The following SYT14 variants were observed in gnomAD, a reference collection of about 807,000 sequenced individuals.
The protein encoded by SYT14 is synaptotagmin 14.
A neutral mutation model predicts 74.2 loss-of-function variants in SYT14; 32 were observed. The observed-to-expected ratio is 0.43, with a 90% CI of 0.33 to 0.58. SYT14 has a LOEUF of 0.58. Among genes scored for constraint, SYT14 ranks in the 20% least tolerant of loss-of-function variants. SYT14 has a pLI of 0.05. For synonymous variants in SYT14, 298 were observed against 337.7 expected (o/e 0.88, Z 1.29); for missense variants, 791 against 981.8 (o/e 0.81, Z 2.60).
At chr1:210,098,067 C>T (rs961309781) in intron 6 of SYT14, among the ~76,000 whole-genome samples, 13 of 151,786 alleles carry the variant, frequency 8.6e-5, no homozygotes, top group African/African-American at 3.1e-4. Context: ...TCCAGCTACT[C>T]AGGAGGCTGA....
chr1:209,997,280 A>C (rs2079815107), intron 2 of SYT14, among the ~76,000 whole-genome samples: 1 of 152,212 alleles, frequency 6.6e-6, no homozygotes, highest in Non-Finnish European at 1.5e-5. Flanking sequence ...AGGTTTCAGG[A>C]TATGAAATCA....
chr1:209,985,843 T>C (rs1038491624), intron 2 of SYT14, among the ~76,000 whole-genome samples: 3 of 152,204 alleles, frequency 2.0e-5, no homozygotes, highest in Non-Finnish European at 2.9e-5. Flanking sequence ...CAGCTTGCAC[T>C]CTCTGAAGCA....
At chr1:210,082,388 G>T (rs1452949821) in intron 5 of SYT14, among the ~76,000 whole-genome samples, 2 of 152,070 alleles carry the variant, frequency 1.3e-5, no homozygotes, top group Non-Finnish European at 2.9e-5. Context: ...ATCCACCGAG[G>T]TTTTCCTTTT....
chr1:209,976,502 A>T (rs1313343388), intron 2 of SYT14, among the ~76,000 whole-genome samples: 1 of 151,938 alleles, frequency 6.6e-6, no homozygotes, highest in Non-Finnish European at 1.5e-5. Context: ...GTTTCCATGT[A>T]GTTGAGCAGT....
chr1:209,959,631 T>C (rs1252489553), intron 2 of SYT14, among the ~76,000 whole-genome samples: 2 of 152,104 alleles, frequency 1.3e-5, no homozygotes, highest in African/African-American at 4.8e-5. Context: ...GACATAAAAA[T>C]TGTTTCACTC....
chr1:209,959,946 T>C (rs764514227), intron 2 of SYT14, among the ~76,000 whole-genome samples: 4 of 152,096 alleles, frequency 2.6e-5, no homozygotes, highest in Non-Finnish European at 5.9e-5. Context: ...AAGCGTCTGC[T>C]TACATAGTGA....
intron 7 of SYT14, among the ~76,000 whole-genome samples, chr1:210,129,192 C>T (rs959591457): frequency 2.6e-5 from 4 of 152,224 alleles, no homozygotes; most frequent in African/African-American, 9.6e-5. Context: ...AGTGAATGCA[C>T]ACCAACTCAA....
intron 5 of SYT14, among the ~76,000 whole-genome samples, chr1:210,061,601 C>CA (rs1384839702): frequency 6.6e-6 from 1 of 151,750 alleles, no homozygotes; most frequent in South Asian, 2.1e-4. Context: ...TAAGAAAACT[C>CA]AATTTAAGTT....
At chr1:210,072,197 A>C (rs534857641) in intron 5 of SYT14, among the ~76,000 whole-genome samples, 1 of 151,584 alleles carries the variant, frequency 6.6e-6, no homozygotes, top group South Asian at 2.1e-4. Context: ...TTAGAGATTC[A>C]TAATGTCTTG....
At chr1:209,994,013 A>G (rs2079741576) in intron 2 of SYT14, among the ~76,000 whole-genome samples, 1 of 152,196 alleles carries the variant, frequency 6.6e-6, no homozygotes, top group Non-Finnish European at 1.5e-5. Context: ...CTAACTGACT[A>G]TATACAGTTA....
chr1:210,013,203 TG>T (rs35067195), intron 2 of SYT14, among the ~76,000 whole-genome samples: 5,137 of 151,892 alleles, frequency 0.034, 607 homozygotes, highest in Admixed American at 0.23. Context: ...CCCAAGTAGC[TG>T]GGATTACAGG....
chr1:209,963,422 C>T (rs959594195), intron 2 of SYT14, among the ~76,000 whole-genome samples: 1 of 152,010 alleles, frequency 6.6e-6, no homozygotes, highest in East Asian at 1.9e-4. Flanking sequence ...GGGAAATTTT[C>T]TTGTTTTATC....
At chr1:210,014,418 T>TG (rs1478158848) in intron 3 of SYT14, among the ~76,000 whole-genome samples, 1 of 65,762 alleles carries the variant, frequency 1.5e-5, no homozygotes, top group East Asian at 2.7e-4. Context: ...CTTGGAGTGT[T>TG]TTTTTTTTTT....
rs909659538 is a variant in SYT14, at chr1:210,016,239, A to G, written c.236A>G (p.Glu79Gly). ...AAACAAAAAAATGCCGGGTTAACAGAAGTCTCCAAAAACACTAATTGTCAG... is the reference window on the plus strand; with the variant it reads ...AAACAAAAAAATGCCGGGTTAACAGGAGTCTCCAAAAACACTAATTGTCAG... The change falls in exon 4 of 10, where the codon GAA becomes GGA. Residue 79 changes from glutamate to glycine, a missense_variant. By Grantham distance (98) the Glu-to-Gly change is moderately conservative. Transcript: ENST00000637265. 4 of 1,232,164 alleles carry G rather than the reference A, an allele frequency of 3.2e-6. No individual in the cohort carries two copies. The East Asian group carries it at 9.5e-5, about 29-fold the overall frequency. The allele number at this position is 1,232,164 out of a possible 1,614,324, so 76.3% of individuals were successfully genotyped here. A position where few individuals can be genotyped will look rare whatever the true frequency, so the allele number is the denominator to read the frequency against.
At chr1:210,060,516 T>C (rs1439773545) in intron 5 of SYT14, among the ~76,000 whole-genome samples, 1 of 152,144 alleles carries the variant, frequency 6.6e-6, no homozygotes, top group Admixed American at 6.6e-5. Context: ...CTTTGAACTT[T>C]GGTGCTGTAT....
At position 210,143,670 on chromosome 1, in the gene SYT14, G is replaced by A. The variant is rs1030155121; in HGVS notation, c.2035-12051G>A. Among the ~76,000 whole-genome samples the A allele has an allele frequency of 5.3e-5, 8 of 152,090 alleles. 1 individual carries two copies. The highest frequency in any genetic ancestry group is 6.6e-5 in the Admixed American group (1 of 15,250). On this transcript the variant is annotated intron_variant, in intron 7 of 9. Transcript: ENST00000637265. ...GGAGAAACTGGGTCGGCAGGGGGCA[G>A]CACAGTCTTACAATGTATAAAATGT...
chr1:209,965,438 G>C (rs113481135), intron 2 of SYT14, among the ~76,000 whole-genome samples: 2 of 152,092 alleles, frequency 1.3e-5, no homozygotes, highest in Non-Finnish European at 2.9e-5. Context: ...TATGTACCAC[G>C]TTTTCTTTAT....
chr1:210,140,194 A>G (rs908865808), intron 7 of SYT14, among the ~76,000 whole-genome samples: 17 of 152,072 alleles, frequency 1.1e-4, no homozygotes, highest in Non-Finnish European at 2.2e-4. Flanking sequence ...TTTGATTTGT[A>G]TTTCCCTAAT....
At chr1:210,061,939 T>G (rs921454740) in intron 5 of SYT14, among the ~76,000 whole-genome samples, 1 of 151,882 alleles carries the variant, frequency 6.6e-6, no homozygotes, top group Non-Finnish European at 1.5e-5. Flanking sequence ...GTTGCCTTAT[T>G]TTTTCAATTA....
Sources: gnomAD v4.1 joint callset for allele counts (sites outside exome capture counted in the v4.1 genomes callset) on GRCh38, gnomAD v4.1.1 for gene constraint, MANE v1.5 for transcripts, NCBI Gene and HGNC (gene_info 2026-07-23, HGNC 2026-07-21) for gene names.